The following TMTC4 variants were observed in gnomAD, a reference collection of about 807,000 sequenced individuals.
TMTC4 encodes protein O-mannosyl-transferase TMTC4.
A neutral mutation model predicts 86.0 loss-of-function variants in TMTC4; 65 were observed. The observed-to-expected ratio is 0.76, with a 90% CI of 0.62 to 0.93. The LOEUF (loss-of-function observed/expected upper bound fraction) is 0.93. Among genes scored for constraint, TMTC4 ranks in the 40% least tolerant of loss-of-function variants. The pLI is 0.00. For synonymous variants in TMTC4, 379 were observed against 382.5 expected (o/e 0.99, Z 0.11); for missense variants, 866 against 948.1 (o/e 0.91, Z 1.14).
At chr13:100,647,684 A>G (rs1258223320) in intron 6 of TMTC4, among the ~76,000 whole-genome samples, 2 of 152,230 alleles carry the variant, frequency 1.3e-5, no homozygotes, top group Non-Finnish European at 2.9e-5. Flanking sequence ...CTTCATTAAA[A>G]ATGCCCAAAA....
chr13:100,667,583 T>C (rs1886543279), intron 3 of TMTC4, among the ~76,000 whole-genome samples: 1 of 151,764 alleles, frequency 6.6e-6, no homozygotes, highest in Non-Finnish European at 1.5e-5. Flanking sequence ...ATATAGAGAG[T>C]TCTTCTCAAC....
intron 6 of TMTC4, among the ~76,000 whole-genome samples, chr13:100,645,780 C>T (rs903572904): frequency 2.6e-5 from 4 of 152,140 alleles, no homozygotes; most frequent in African/African-American, 4.8e-5. Flanking sequence ...CTGTCATTCC[C>T]GAGTCGAGGG....
intron 5 of TMTC4, among the ~76,000 whole-genome samples, chr13:100,661,240 T>C (rs1446603404): frequency 6.6e-6 from 1 of 152,206 alleles, no homozygotes; most frequent in African/African-American, 2.4e-5. Context: ...AAGATTACCA[T>C]GTTCCCAGGT....
At chr13:100,625,952 ACT>A (rs1187321218) in intron 13 of TMTC4, 60 bp from the exon 14 acceptor site, 1 of 1,595,474 alleles carries the variant, frequency 6.3e-7, no homozygotes, top group African/African-American at 1.3e-5. Flanking sequence ...TTTTTACTAA[ACT>A]CTCAGGAATC....
chr13:100,637,604 G>A lies in TMTC4; in HGVS notation c.933C>T (p.Gly311=). 1 of 1,614,168 alleles carries A rather than the reference G, an allele frequency of 6.2e-7. No homozygotes were observed. Among genetic ancestry groups the A allele is most frequent in the Non-Finnish European group, 8.5e-7 (1 of 1,180,042 alleles). The change falls in exon 9 of 19, where the codon GGC becomes GGT. Residue 311 remains glycine (G), a synonymous_variant. Coordinates refer to ENST00000342624, the MANE Select transcript of TMTC4 (RefSeq NM_032813.5). ...CCTCGGTGAAGGCCGGCGGGCCCGT[G>A]CCCATGATCCTCCAGCGCACGTAGA... ...GMLYVRWRIM[G]TGPPAFTEVD...
intron 3 of TMTC4, chr13:100,668,337 G>A: frequency 1.9e-6 from 1 of 520,242 alleles, no homozygotes; most frequent in Admixed American, 3.3e-5. Context: ...ATCCATATGT[G>A]GACTGGAGCT....
intron 15 of TMTC4, among the ~76,000 whole-genome samples, chr13:100,615,950 T>G (rs1467434446): frequency 6.6e-6 from 1 of 152,188 alleles, no homozygotes; most frequent in African/African-American, 2.4e-5. Flanking sequence ...ATTGCCATCT[T>G]TATGTATTAG....
chr13:100,614,702 G>C (rs978647960), intron 15 of TMTC4, among the ~76,000 whole-genome samples: 1 of 152,106 alleles, frequency 6.6e-6, no homozygotes, highest in Non-Finnish European at 1.5e-5. Context: ...TTATAGACTA[G>C]AAATGGTAAA....
intron 6 of TMTC4, among the ~76,000 whole-genome samples, chr13:100,651,401 T>G (rs940724418): frequency 6.6e-6 from 1 of 151,934 alleles, no homozygotes; most frequent in African/African-American, 2.4e-5. Flanking sequence ...TTTGTTTGTT[T>G]GTTTTTTTAA....
At chr13:100,617,168 G>T (rs999582057) in intron 15 of TMTC4, among the ~76,000 whole-genome samples, 6 of 151,890 alleles carry the variant, frequency 4.0e-5, no homozygotes, top group African/African-American at 1.5e-4. Flanking sequence ...CTGTCGCCCA[G>T]GCGGGAGCGC....
At chr13:100,671,579 G>A (rs1347088747) in intron 1 of TMTC4, among the ~76,000 whole-genome samples, 1 of 152,110 alleles carries the variant, frequency 6.6e-6, no homozygotes, top group Non-Finnish European at 1.5e-5. Context: ...GAAGTCAAGT[G>A]GATGGCTGAC....
chr13:100,656,490 CA>C (rs1885127050), intron 5 of TMTC4, 22 bp from the exon 6 acceptor site: 2 of 1,456,606 alleles, frequency 1.4e-6, no homozygotes, highest in African/African-American at 1.4e-5. Context: ...GGGAAGAAAA[CA>C]AAGAATTACA....
Position 100,625,881 on chromosome 13 carries a change from T to C in TMTC4, c.1598A>G (p.Lys533Arg). Residue 533 changes from lysine to arginine, a missense_variant, in exon 14 of 19, where the codon AAG becomes AGG. By Grantham distance (26) the Lys-to-Arg change is conservative (BLOSUM62 2). Transcript: ENST00000342624. ...YYREAVRLNP[K>R]YVHAMNNLGN... is the part of the protein sequence containing the mutation. ...AAGATTATTCATGGCATGAACATAC[T>C]TGGGATTTAATCTGAAAGTTGAGAA... 6.2e-7 allele frequency: 1 copy of C among 1,612,748 alleles called. No homozygotes were observed. Among genetic ancestry groups the C allele is most frequent in the Non-Finnish European group, 8.5e-7 (1 of 1,179,832 alleles).
intron 2 of TMTC4, 45 bp downstream of exon 2, chr13:100,670,315 G>C: frequency 6.3e-7 from 1 of 1,598,974 alleles, no homozygotes; most frequent in Non-Finnish European, 8.5e-7. Flanking sequence ...ATAGCCTTCT[G>C]TCTGAGTGAA....
At chr13:100,610,107 C>T (rs369551531) in intron 17 of TMTC4, among the ~76,000 whole-genome samples, 1 of 152,212 alleles carries the variant, frequency 6.6e-6, no homozygotes, top group East Asian at 1.9e-4. Flanking sequence ...AGCCTCCAGG[C>T]TCTCTGAGGA....
intron 10 of TMTC4, among the ~76,000 whole-genome samples, chr13:100,636,054 TC>T (rs764538149): frequency 3.9e-5 from 6 of 152,240 alleles, no homozygotes; most frequent in Non-Finnish European, 8.8e-5. Flanking sequence ...ACATTTGTTT[TC>T]CCCAATTATT....
intron 15 of TMTC4, among the ~76,000 whole-genome samples, chr13:100,618,739 G>A: frequency 6.6e-6 from 1 of 152,236 alleles, no homozygotes. Flanking sequence ...AGCACATCTT[G>A]CACCGCCCTT....
intron 15 of TMTC4, among the ~76,000 whole-genome samples, chr13:100,622,617 A>G (rs1339434386): frequency 6.6e-6 from 1 of 151,894 alleles, no homozygotes; most frequent in East Asian, 1.9e-4. Context: ...TGTGCCTTTC[A>G]CCTTCCACCT....
chr13:100,668,444 A>G, intron 3 of TMTC4, 135 bp downstream of exon 3: 2 of 877,050 alleles, frequency 2.3e-6, no homozygotes, highest in Non-Finnish European at 3.5e-6. Flanking sequence ...AAAAGAGAGA[A>G]AAATCGAGAG....
Sources: gnomAD v4.1 joint callset for allele counts (sites outside exome capture counted in the v4.1 genomes callset) on GRCh38, gnomAD v4.1.1 for gene constraint, MANE v1.5 for transcripts, NCBI Gene and HGNC (gene_info 2026-07-23, HGNC 2026-07-21) for gene names.